Variants in GAS7 observed in about 807,000 individuals in gnomAD.
The protein encoded by GAS7 is growth arrest specific 7.
GAS7 carries 28 observed loss-of-function variants against 71.1 expected under a neutral mutation model. The observed-to-expected ratio is 0.39, with a 90% CI of 0.29 to 0.54. The LOEUF (loss-of-function observed/expected upper bound fraction) is 0.54. Among genes scored for constraint, GAS7 ranks in the 20% least tolerant of loss-of-function variants. The pLI is 0.62. For synonymous variants in GAS7, 258 were observed against 245.8 expected, an observed-to-expected ratio of 1.05 and a Z score of -0.46; for missense variants, 436 against 627.8, an observed-to-expected ratio of 0.69 and a Z score of 3.27.
chr17:10,003,152 G>C (rs531611134), intron 2 of GAS7, among the ~76,000 whole-genome samples: 8 of 152,296 alleles, frequency 5.3e-5, no homozygotes, highest in South Asian at 2.1e-4. Flanking sequence ...TAGGAGGCTT[G>C]GATAGAGGTC....
chr17:10,096,539 C>G (rs1452966338), intron 1 of GAS7, among the ~76,000 whole-genome samples: 1 of 152,210 alleles, frequency 6.6e-6, no homozygotes, highest in African/African-American at 2.4e-5. Flanking sequence ...CCAAGGATGG[C>G]ACTCCATTTT....
rs552826375 is a variant in GAS7, at chr17:10,048,289, G to A, written c.184-28392C>T. 6.3e-4 allele frequency among the ~76,000 whole-genome samples: 96 copies of A among 152,334 alleles called. 3 individuals are homozygous for A. In the South Asian group the frequency reaches 0.016, roughly 26 times the overall value. Reference sequence around the variant, plus strand: ...TGCAACCTCGCGCCATTGCAGTTGCGCCTGGGCGACAAAGCTAAACTCCAT... The same window carrying A: ...TGCAACCTCGCGCCATTGCAGTTGCACCTGGGCGACAAAGCTAAACTCCAT... On this transcript the variant is annotated intron_variant, in intron 1 of 13. Transcript: ENST00000432992.
chr17:9,933,376 C>T (rs1022932338), intron 9 of GAS7, among the ~76,000 whole-genome samples: 1 of 152,140 alleles, frequency 6.6e-6, no homozygotes, highest in Admixed American at 6.5e-5. Flanking sequence ...AGCAGGGCTT[C>T]GTCACTCAGG....
Position 9,915,572 on chromosome 17 carries a change from T to A in GAS7, c.*1656A>T, listed in dbSNP as rs2067561530. ...TTGGTTTACTTTAGTATATTAGGCA[T>A]TTTTCTAATGTGAACTATACGAAAG... On this transcript the variant is annotated 3_prime_UTR_variant, in exon 14 of 14. Transcript: ENST00000432992. 2 of 225,242 alleles carry A rather than the reference T, an allele frequency of 8.9e-6. No individual in the cohort carries two copies. The highest frequency in any genetic ancestry group is 4.5e-5 in the African/African-American group (2 of 44,878). 14.0% of individuals were successfully genotyped at this position (225,242 alleles called of 1,614,324 possible). A position where few individuals can be genotyped will look rare whatever the true frequency, so the allele number is the denominator to read the frequency against.
At chr17:9,948,580 G>C (rs2068880286) in intron 5 of GAS7, among the ~76,000 whole-genome samples, 1 of 152,140 alleles carries the variant, frequency 6.6e-6, no homozygotes, top group Non-Finnish European at 1.5e-5. Flanking sequence ...CTACTCAGGA[G>C]GCTGAGGCAG....
chr17:10,027,658 GCAGACAACAGTCCTCAC>G (rs1274592831), intron 1 of GAS7, among the ~76,000 whole-genome samples: 2 of 152,336 alleles, frequency 1.3e-5, no homozygotes, highest in South Asian at 2.1e-4. Context: ...CATCTTGGAG[GCAGACAACAGTCCTCAC>G]CAGACAACAG....
chr17:9,938,183 C>T (rs1312639620), intron 8 of GAS7, among the ~76,000 whole-genome samples: 2 of 152,032 alleles, frequency 1.3e-5, no homozygotes, highest in African/African-American at 4.8e-5. Context: ...AAGGGTGCAG[C>T]CCTGATCTGA....
chr17:9,923,483 T>G (rs2067893477), intron 11 of GAS7, among the ~76,000 whole-genome samples: 1 of 152,100 alleles, frequency 6.6e-6, no homozygotes, highest in Non-Finnish European at 1.5e-5. Context: ...AGATAAAGAA[T>G]CTATGGTCAG....
At chr17:10,131,091 C>T (rs535162881) in intron 1 of GAS7, among the ~76,000 whole-genome samples, 1 of 152,342 alleles carries the variant, frequency 6.6e-6, no homozygotes, top group East Asian at 1.9e-4. Context: ...GCCAAGGCCA[C>T]GACTACTTTC....
intron 1 of GAS7, among the ~76,000 whole-genome samples, chr17:10,118,749 T>C (rs1271813922): frequency 6.7e-6 from 1 of 148,850 alleles, no homozygotes; most frequent in Non-Finnish European, 1.5e-5. Context: ...CTCTGGGCTG[T>C]CTTAACTTAT....
At chr17:9,997,955 G>T (rs1214689531) in intron 2 of GAS7, among the ~76,000 whole-genome samples, 1 of 152,226 alleles carries the variant, frequency 6.6e-6, no homozygotes, top group African/African-American at 2.4e-5. Context: ...GCTCCATGTG[G>T]TCAGTTGACC....
intron 1 of GAS7, among the ~76,000 whole-genome samples, chr17:10,027,537 T>C (rs1436612139): frequency 6.6e-6 from 1 of 152,206 alleles, no homozygotes; most frequent in African/African-American, 2.4e-5. Context: ...TTCAGTGGGA[T>C]TGAGGCTCTT....
At chr17:10,039,619 G>A (rs573764832) in intron 1 of GAS7, 2 of 379,454 alleles carry the variant, frequency 5.3e-6, no homozygotes, top group Admixed American at 3.1e-5. Context: ...GGAGGCAGAG[G>A]TTGTAGTGAG....
At chr17:10,084,110 G>A (rs2073488145) in intron 1 of GAS7, among the ~76,000 whole-genome samples, 1 of 152,192 alleles carries the variant, frequency 6.6e-6, no homozygotes, top group African/African-American at 2.4e-5. Context: ...GGAATTTGCA[G>A]TGAGGCAAGA....
chr17:10,062,065 G>T (rs1000065997), intron 1 of GAS7, among the ~76,000 whole-genome samples: 13 of 152,228 alleles, frequency 8.5e-5, no homozygotes, highest in African/African-American at 2.4e-4. Flanking sequence ...CCAGGCTTCA[G>T]TTGGTTCCCG....
chr17:10,175,489 A>G (rs1264030289), intron 1 of GAS7, among the ~76,000 whole-genome samples: 2 of 152,154 alleles, frequency 1.3e-5, no homozygotes, highest in African/African-American at 4.8e-5. Context: ...TCTTCTCCCT[A>G]TGTCTTCACA....
In GAS7 at chr17:9,913,368, C is replaced by G. The variant is rs1012274627; in HGVS notation, c.*3860G>C. On this transcript the variant is annotated 3_prime_UTR_variant, in exon 14 of 14. Transcript: ENST00000432992. ...TCTGTTTAAACACTCCTTGTCAAGA[C>G]TACCTGCAGCTGGAAGTAAAATCAC... 4.3e-6 allele frequency: 1 copy of G among 232,470 alleles called. No homozygotes were observed. The highest frequency in any genetic ancestry group is 1.8e-4 in the South Asian group (1 of 5,522). 14.4% of individuals were successfully genotyped at this position (232,470 alleles called of 1,614,324 possible).
intron 1 of GAS7, among the ~76,000 whole-genome samples, chr17:10,169,581 A>G (rs930700675): frequency 6.6e-6 from 1 of 152,088 alleles, no homozygotes; most frequent in Admixed American, 6.5e-5. Context: ...GGCTGCCTTC[A>G]CTGAACCCAG....
chr17:9,957,471 CA>C (rs1160200156), intron 5 of GAS7, among the ~76,000 whole-genome samples: 1 of 152,126 alleles, frequency 6.6e-6, no homozygotes, highest in Non-Finnish European at 1.5e-5. Context: ...GCCTGGGCAC[CA>C]TCACTAAGCG....
Sources: gnomAD v4.1 joint callset for allele counts (sites outside exome capture counted in the v4.1 genomes callset) on GRCh38, gnomAD v4.1.1 for gene constraint, MANE v1.5 for transcripts, NCBI Gene and HGNC (gene_info 2026-07-23, HGNC 2026-07-21) for gene names.